CDH13: variants seen among roughly 807,000 people sequenced by gnomAD.
The protein encoded by CDH13 is cadherin-13.
In CDH13, 24 loss-of-function variants were observed where a neutral mutation model predicts 63.8. The observed-to-expected ratio is 0.38, with a 90% CI of 0.27 to 0.53. CDH13 has a LOEUF of 0.53. Among genes scored for constraint, CDH13 ranks in the 20% least tolerant of loss-of-function variants. CDH13 has a pLI of 0.85. For missense variants in CDH13, 1,049 were observed against 903.1 expected, an observed-to-expected ratio of 1.16 and a Z score of -2.07; for synonymous variants, 503 against 355.3, an observed-to-expected ratio of 1.42 and a Z score of -4.67.
intron 5 of CDH13, among the ~76,000 whole-genome samples, chr16:83,221,963 T>C (rs970371899): frequency 6.6e-6 from 1 of 152,230 alleles, no homozygotes. Context: ...AGATGAGGGC[T>C]AAACAGGTTC....
intron 2 of CDH13, among the ~76,000 whole-genome samples, chr16:82,973,313 C>A (rs1056094239): frequency 2.6e-5 from 4 of 152,200 alleles, no homozygotes; most frequent in Non-Finnish European, 5.9e-5. Flanking sequence ...TGCTCACCTG[C>A]AAGAATCAGG....
At chr16:82,978,737 C>G (rs1909861731) in intron 2 of CDH13, among the ~76,000 whole-genome samples, 1 of 152,246 alleles carries the variant, frequency 6.6e-6, no homozygotes, top group African/African-American at 2.4e-5. Context: ...GGACAGAACA[C>G]TCATGGAGAA....
At chr16:83,250,751 A>G (rs1299975707) in intron 5 of CDH13, among the ~76,000 whole-genome samples, 5 of 152,234 alleles carry the variant, frequency 3.3e-5, no homozygotes, top group Admixed American at 6.5e-5. Flanking sequence ...GTTGGGATTT[A>G]TTCTAAGTGC....
intron 1 of CDH13, among the ~76,000 whole-genome samples, chr16:82,822,505 T>A (rs1354012050): frequency 6.6e-6 from 1 of 152,202 alleles, no homozygotes; most frequent in African/African-American, 2.4e-5. Context: ...AGTTATCTTT[T>A]TTCTTTGTAT....
chr16:83,789,289 T>A (rs1249258305), intron 13 of CDH13, among the ~76,000 whole-genome samples: 1 of 151,682 alleles, frequency 6.6e-6, no homozygotes, highest in Non-Finnish European at 1.5e-5. Context: ...AAGCAAGGAT[T>A]GGAGAAGGAG....
chr16:83,023,972 G>C (rs1915577628), intron 2 of CDH13, among the ~76,000 whole-genome samples: 1 of 152,194 alleles, frequency 6.6e-6, no homozygotes, highest in African/African-American at 2.4e-5. Context: ...GGCAACAGGA[G>C]CAATTTAGAT....
intron 1 of CDH13, among the ~76,000 whole-genome samples, chr16:82,848,115 T>C (rs572068285): frequency 6.6e-6 from 1 of 152,332 alleles, no homozygotes; most frequent in East Asian, 1.9e-4. Context: ...AAAAATGTTA[T>C]GTATTGCTCT....
chr16:82,888,658 C>T (rs944836392), intron 2 of CDH13, among the ~76,000 whole-genome samples: 9 of 152,312 alleles, frequency 5.9e-5, no homozygotes, highest in African/African-American at 2.2e-4. Context: ...TTCTGTGATG[C>T]TTAGCATATG....
intron 3 of CDH13, among the ~76,000 whole-genome samples, chr16:83,093,793 G>A (rs1045371983): frequency 4.6e-5 from 7 of 152,184 alleles, no homozygotes; most frequent in Middle Eastern, 6.8e-3. Flanking sequence ...GTTCTCAGTC[G>A]GAAAGCATGT....
chr16:83,769,801 T>G (rs72802851), intron 11 of CDH13, among the ~76,000 whole-genome samples: 4,948 of 152,172 alleles, frequency 0.033, 123 homozygotes, highest in East Asian at 0.088. Flanking sequence ...TGACCTTGCC[T>G]TGTAGGGAAT....
At chr16:82,869,360 TC>T (rs1346020470) in intron 2 of CDH13, among the ~76,000 whole-genome samples, 2 of 151,928 alleles carry the variant, frequency 1.3e-5, no homozygotes, top group African/African-American at 4.8e-5. Flanking sequence ...TTTTTTTTTT[TC>T]TTTTTAAACA....
chr16:82,795,153 C>T (rs1008050035), intron 1 of CDH13, among the ~76,000 whole-genome samples: 1 of 152,166 alleles, frequency 6.6e-6, no homozygotes, highest in African/African-American at 2.4e-5. Context: ...GTTGGCTAAT[C>T]CAGGTGTTGG....
At chr16:83,388,727 A>T (rs968693770) in intron 6 of CDH13, among the ~76,000 whole-genome samples, 6 of 152,176 alleles carry the variant, frequency 3.9e-5, no homozygotes, top group African/African-American at 1.4e-4. Context: ...TGTGTGTGGT[A>T]TGCTGAGAGT....
At chr16:82,893,003 T>C (rs1178653821) in intron 2 of CDH13, among the ~76,000 whole-genome samples, 1 of 152,268 alleles carries the variant, frequency 6.6e-6, no homozygotes, top group African/African-American at 2.4e-5. Flanking sequence ...TATACTTGTT[T>C]GACCATTATC....
At chr16:83,175,261 A>C (rs531947309) in intron 4 of CDH13, among the ~76,000 whole-genome samples, 1 of 152,148 alleles carries the variant, frequency 6.6e-6, no homozygotes, top group East Asian at 1.9e-4. Flanking sequence ...AGAAGAAATA[A>C]GGAAAAATGT....
chr16:83,090,077 C>T (rs1479310119), intron 3 of CDH13, among the ~76,000 whole-genome samples: 2 of 152,130 alleles, frequency 1.3e-5, no homozygotes, highest in Non-Finnish European at 2.9e-5. Context: ...GTGATCACCT[C>T]GCGTAGATTT....
chr16:82,792,731 T>C (rs909814332), intron 1 of CDH13, among the ~76,000 whole-genome samples: 3 of 152,214 alleles, frequency 2.0e-5, no homozygotes, highest in Admixed American at 1.3e-4. Flanking sequence ...GTTCCTCTTA[T>C]CTTGTCACAC....
rs113376939 is a variant in CDH13 at position 82,638,392 on chromosome 16, T to C, written c.45+11255T>C. Among the ~76,000 whole-genome samples, 1,184 of 152,308 alleles carry C rather than the reference T, an allele frequency of 7.8e-3. 17 individuals carry two copies. Among genetic ancestry groups the C allele is most frequent in the African/African-American group, 0.027 (1,118 of 41,568 alleles). On this transcript the variant is annotated intron_variant, in intron 1 of 13. Transcript: ENST00000567109. ...GTTGCCTCAGATAATTGACTTCATT[T>C]CCCTCCTTTTCTGTTTTCCCCTGTA... is the stretch of plus-strand genomic sequence containing the variant.
intron 1 of CDH13, among the ~76,000 whole-genome samples, chr16:82,817,836 T>A (rs2037798770): frequency 6.6e-6 from 1 of 152,166 alleles, no homozygotes; most frequent in South Asian, 2.1e-4. Context: ...CATATAGTTA[T>A]ATATAAAAGC....
Sources: allele counts gnomAD v4.1 joint callset (sites outside exome capture counted in the v4.1 genomes callset), GRCh38; gene constraint gnomAD v4.1.1; transcripts MANE v1.5; gene names NCBI Gene and HGNC (gene_info 2026-07-23, HGNC 2026-07-21).